Variants in FUT9 observed in about 807,000 individuals in gnomAD.
The protein encoded by FUT9 is 4-galactosyl-N-acetylglucosaminide 3-alpha-L-fucosyltransferase 9.
A neutral mutation model predicts 29.7 loss-of-function variants in FUT9; 15 were observed. The ratio of observed to expected loss-of-function variants is 0.51; its 90% CI spans 0.34 to 0.78. The LOEUF is 0.78. Among genes scored for constraint, FUT9 ranks in the 30% least tolerant of loss-of-function variants. FUT9 has a pLI of 0.01. For synonymous variants in FUT9, 169 were observed against 153.7 expected (o/e 1.10, Z -0.74); for missense variants, 319 against 425.4 (o/e 0.75, Z 2.20).
At chr6:96,075,800 G>C (rs371924407) in intron 1 of FUT9, among the ~76,000 whole-genome samples, 2 of 152,120 alleles carry the variant, frequency 1.3e-5, no homozygotes, top group African/African-American at 4.8e-5. Flanking sequence ...TTTGACAATG[G>C]GTCAATGAAA....
chr6:96,170,496 G>C (rs1773091897), intron 2 of FUT9, among the ~76,000 whole-genome samples: 1 of 151,040 alleles, frequency 6.6e-6, no homozygotes, highest in Admixed American at 6.6e-5. Flanking sequence ...TCTTCCAAAA[G>C]AATAGCCAAT....
rs1175317751 is a variant in FUT9, at chr6:96,212,569, G to C, written c.*8334G>C. ...GAACTTTCAGCTTAATCGGGGTTAA[G>C]GGAGTAATTGTGACAATATAAAATG... is the stretch of plus-strand genomic sequence containing the variant. On this transcript the variant is annotated 3_prime_UTR_variant, in exon 3 of 3. Coordinates refer to ENST00000302103, the MANE Select transcript of FUT9 (RefSeq NM_006581.4). 5.1e-6 allele frequency: 2 copies of C among 388,962 alleles called. No homozygotes were observed. Among genetic ancestry groups the C allele is most frequent in the Non-Finnish European group, 9.5e-6 (2 of 210,974 alleles). The allele number at this position is 388,962 out of a possible 1,614,324, so 24.1% of individuals were successfully genotyped here.
At chr6:96,078,219 A>G (rs1451638539) in intron 1 of FUT9, among the ~76,000 whole-genome samples, 1 of 151,552 alleles carries the variant, frequency 6.6e-6, no homozygotes, top group Non-Finnish European at 1.5e-5. Flanking sequence ...CAAATTTTCT[A>G]CTGGAATTTT....
At chr6:96,056,929 G>A (rs561813886) in intron 1 of FUT9, among the ~76,000 whole-genome samples, 1 of 152,130 alleles carries the variant, frequency 6.6e-6, no homozygotes, top group Non-Finnish European at 1.5e-5. Flanking sequence ...CGTACTGCAA[G>A]TACCCACACA....
intron 2 of FUT9, among the ~76,000 whole-genome samples, chr6:96,170,567 C>G (rs1272257918): frequency 6.6e-6 from 1 of 151,722 alleles, no homozygotes; most frequent in East Asian, 1.9e-4. Context: ...CACACACACA[C>G]ACACACAATT....
intron 2 of FUT9, among the ~76,000 whole-genome samples, chr6:96,137,005 A>G (rs1772360622): frequency 6.6e-6 from 1 of 152,002 alleles, no homozygotes; most frequent in African/African-American, 2.4e-5. Flanking sequence ...AGAATTTATA[A>G]ATCTTTGACA....
At chr6:96,071,548 C>A (rs555868532) in intron 1 of FUT9, among the ~76,000 whole-genome samples, 1 of 151,934 alleles carries the variant, frequency 6.6e-6, no homozygotes, top group Admixed American at 6.6e-5. Flanking sequence ...CATGGCAAAT[C>A]AATTATTTTA....
At chr6:96,173,778 T>TC (rs1773155770) in intron 2 of FUT9, among the ~76,000 whole-genome samples, 1 of 151,322 alleles carries the variant, frequency 6.6e-6, no homozygotes, top group Non-Finnish European at 1.5e-5. Flanking sequence ...CACACAAATT[T>TC]TTTTTCTCTA....
intron 1 of FUT9, among the ~76,000 whole-genome samples, chr6:96,102,789 T>C (rs1181856821): frequency 6.6e-6 from 1 of 152,172 alleles, no homozygotes; most frequent in African/African-American, 2.4e-5. Flanking sequence ...AAATTGCGTG[T>C]TTTACCCCTG....
At chr6:96,093,482 T>A (rs912411684) in intron 1 of FUT9, among the ~76,000 whole-genome samples, 14 of 152,222 alleles carry the variant, frequency 9.2e-5, no homozygotes, top group Middle Eastern at 3.4e-3. Context: ...CATTGAAGCA[T>A]TTAAGACCAG....
At chr6:96,109,902 C>A (rs534510381) in intron 1 of FUT9, among the ~76,000 whole-genome samples, 8 of 152,122 alleles carry the variant, frequency 5.3e-5, no homozygotes, top group Non-Finnish European at 1.2e-4. Context: ...CCCCTCACAC[C>A]CAGAGCACTA....
At chr6:96,065,841 A>C (rs1272169615) in intron 1 of FUT9, among the ~76,000 whole-genome samples, 1 of 152,184 alleles carries the variant, frequency 6.6e-6, no homozygotes, top group Non-Finnish European at 1.5e-5. Context: ...TATGATCTGC[A>C]AGATAACAGA....
At position 96,209,267 on chromosome 6, in the gene FUT9, A is replaced by G. The variant is rs1295149557; in HGVS notation, c.*5032A>G. On this transcript the variant is annotated 3_prime_UTR_variant, in exon 3 of 3. Coordinates refer to ENST00000302103, the MANE Select transcript of FUT9 (RefSeq NM_006581.4). ...AAAGTAATTTTTTAGGATATTCCAT[A>G]CAGATTTCCTTCTCATTTCTCTGTG... 1 of 166,738 alleles carries G rather than the reference A, an allele frequency of 6.0e-6. No individual in the cohort carries two copies. The highest frequency in any genetic ancestry group is 1.9e-4 in the East Asian group (1 of 5,202). 10.3% of individuals were successfully genotyped at this position (166,738 alleles called of 1,614,324 possible). A position where few individuals can be genotyped will look rare whatever the true frequency, so the allele number is the denominator to read the frequency against.
intron 2 of FUT9, among the ~76,000 whole-genome samples, chr6:96,143,587 T>A (rs1460705768): frequency 6.6e-6 from 1 of 152,048 alleles, no homozygotes; most frequent in African/African-American, 2.4e-5. Context: ...TTATTTTTAA[T>A]ATACCCTTTC....
intron 1 of FUT9, among the ~76,000 whole-genome samples, chr6:96,035,818 T>C (rs1223686523): frequency 2.2e-5 from 3 of 134,364 alleles, no homozygotes; most frequent in East Asian, 2.0e-4. Flanking sequence ...ATACATATAA[T>C]ATATTATATG....
At position 96,027,571 on chromosome 6, in the gene FUT9, T is replaced by C. The variant is rs186678720; in HGVS notation, c.-98+11359T>C. ...CCAACCCTGAAATCTGGTGTACTTC[T>C]CCCCTTCCTCTTTTCTCAAATTTTC... On this transcript the variant is annotated intron_variant, in intron 1 of 2. Transcript: ENST00000302103. Among the ~76,000 whole-genome samples the C allele has an allele frequency of 8.4e-4, 128 of 151,710 alleles. 1 individual carries two copies. The highest frequency in any genetic ancestry group is 6.8e-3 in the Middle Eastern group (2 of 294).
chr6:96,187,338 A>G (rs1008830171), intron 2 of FUT9, among the ~76,000 whole-genome samples: 3 of 152,152 alleles, frequency 2.0e-5, no homozygotes, highest in Non-Finnish European at 4.4e-5. Flanking sequence ...ACATAAAGCC[A>G]GACTGGCAAC....
At chr6:96,032,098 A>G (rs1770272291) in intron 1 of FUT9, among the ~76,000 whole-genome samples, 1 of 151,592 alleles carries the variant, frequency 6.6e-6, no homozygotes, top group Non-Finnish European at 1.5e-5. Context: ...TCTGTGGAAC[A>G]TATTGTTACA....
At position 96,069,971 on chromosome 6, in the gene FUT9, A is replaced by G. The variant is rs552750499; in HGVS notation, c.-97-44068A>G. ...TAAAACACAGCTAAAAAAACACACA[A>G]AATAATTAAAACAGAGATCAAAGAA... On this transcript the variant is annotated intron_variant, in intron 1 of 2. Transcript: ENST00000302103. Among the ~76,000 whole-genome samples the G allele has an allele frequency of 2.0e-5, 3 of 152,300 alleles. No homozygotes were observed. In the East Asian group the frequency reaches 5.8e-4, roughly 29 times the overall value.
Sources: allele counts gnomAD v4.1 joint callset (sites outside exome capture counted in the v4.1 genomes callset), GRCh38; gene constraint gnomAD v4.1.1; transcripts MANE v1.5; gene names NCBI Gene and HGNC (gene_info 2026-07-23, HGNC 2026-07-21).